Variants in NGEF observed in about 807,000 individuals in gnomAD.
NGEF encodes ephexin-1.
NGEF carries 31 observed loss-of-function variants against 80.9 expected under a neutral mutation model. The observed-to-expected ratio is 0.38, with a 90% CI of 0.29 to 0.52. The LOEUF is 0.52. Ranked by LOEUF, NGEF falls within the 20% of genes least tolerant of loss-of-function variation. The pLI, the probability that NGEF is intolerant of heterozygous loss-of-function variation, is 0.84. For synonymous variants in NGEF, 371 were observed against 370.2 expected (o/e 1.00, Z -0.03); for missense variants, 709 against 926.2 (o/e 0.77, Z 3.04).
At chr2:233,001,348 GT>G (rs2106343458) in intron 1 of NGEF, among the ~76,000 whole-genome samples, 1 of 152,366 alleles carries the variant, frequency 6.6e-6, no homozygotes, top group Admixed American at 6.5e-5. Flanking sequence ...CAAGTGTGCA[GT>G]GCTAGAAGCA....
intron 5 of NGEF, among the ~76,000 whole-genome samples, chr2:232,912,426 C>T (rs1692708618): frequency 6.6e-6 from 1 of 152,132 alleles, no homozygotes; most frequent in Non-Finnish European, 1.5e-5. Flanking sequence ...ATATTTCTTA[C>T]TGAGAATTTA....
Position 232,879,771 on chromosome 2 carries a change from C to A in NGEF, c.1943-92G>T, listed in dbSNP as rs1294472723. 7.2e-6 allele frequency: 9 copies of A among 1,254,422 alleles called. No homozygotes were observed. The Middle Eastern group carries it at 6.0e-4, about 84-fold the overall frequency. The allele number at this position is 1,254,422 out of a possible 1,614,324, so 77.7% of individuals were successfully genotyped here. ...TCCTGGCCAGGGCCCCCATCTGTGG[C>A]GGGACACTAGGGGTCCAGCTGGCCT... On this transcript the variant is annotated intron_variant, in intron 14 of 14. Coordinates refer to ENST00000264051, the MANE Select transcript of NGEF (RefSeq NM_019850.3).
Position 232,900,774 on chromosome 2 carries a change from A to AGT in NGEF, c.829-5859_829-5858insAC, listed in dbSNP as rs1559200381. ...CATTCACTCACACACACACGCTCTC[A>AGT]CACTCATGCACACATTCACTCACAC... On this transcript the variant is annotated intron_variant, in intron 5 of 14. Coordinates refer to ENST00000264051, the MANE Select transcript of NGEF (RefSeq NM_019850.3). 2.8e-5 allele frequency among the ~76,000 whole-genome samples: 4 copies of AGT among 142,252 alleles called. 1 individual carries two copies. Among genetic ancestry groups the AGT allele is most frequent in the South Asian group, 2.1e-4 (1 of 4,666 alleles). 93.3% of individuals were successfully genotyped at this position (142,252 alleles called of 152,430 possible).
At chr2:233,005,828 G>T (rs2001320) in intron 1 of NGEF, among the ~76,000 whole-genome samples, 1 of 151,866 alleles carries the variant, frequency 6.6e-6, no homozygotes, top group Non-Finnish European at 1.5e-5. Context: ...TTTTGTTTTG[G>T]TTTTTTGAGA....
At chr2:232,928,064 CG>C in intron 3 of NGEF, 1 of 1,148,570 alleles carries the variant, frequency 8.7e-7, no homozygotes, top group Non-Finnish European at 1.1e-6. Flanking sequence ...TGGGCTGGGT[CG>C]GGGGCGACTA....
intron 3 of NGEF, chr2:232,969,911 T>C (rs1694150367): frequency 1.1e-5 from 2 of 183,118 alleles, no homozygotes; most frequent in Non-Finnish European, 2.2e-5. Flanking sequence ...GTGCCTGTAA[T>C]CCCAGCTCTT....
At chr2:232,970,493 C>T (rs1694164150) in intron 2 of NGEF, among the ~76,000 whole-genome samples, 165 bp from the exon 3 acceptor site, 2 of 152,146 alleles carry the variant, frequency 1.3e-5, no homozygotes, top group Admixed American at 6.5e-5. Flanking sequence ...TTTGTCACAC[C>T]TCATGCTGTG....
intron 3 of NGEF, among the ~76,000 whole-genome samples, chr2:232,957,149 G>A (rs1010206746): frequency 2.0e-4 from 31 of 152,040 alleles, no homozygotes; most frequent in African/African-American, 7.2e-5. Context: ...GAATAAGTAC[G>A]ATAAGCTAGA....
chr2:233,005,149 C>T (rs1342302360), intron 1 of NGEF, among the ~76,000 whole-genome samples: 1 of 152,180 alleles, frequency 6.6e-6, no homozygotes, highest in Non-Finnish European at 1.5e-5. Context: ...TGGATCAGCA[C>T]CAACACATGG....
At chr2:232,991,822 A>G (rs1317850873) in intron 1 of NGEF, among the ~76,000 whole-genome samples, 1 of 152,236 alleles carries the variant, frequency 6.6e-6, no homozygotes. Context: ...TTCCTGATTT[A>G]AAAACCTACT....
intron 5 of NGEF, chr2:232,905,639 T>G (rs1158728018): frequency 3.0e-6 from 1 of 330,664 alleles, no homozygotes; most frequent in South Asian, 2.0e-5. Context: ...CCGGCCGCCA[T>G]CCCACCTGGG....
intron 1 of NGEF, among the ~76,000 whole-genome samples, chr2:233,000,963 G>A (rs990888602): frequency 2.6e-5 from 4 of 152,108 alleles, no homozygotes; most frequent in African/African-American, 7.2e-5. Flanking sequence ...TCGAAACGGC[G>A]CCGTGAACCA....
In NGEF at chr2:232,975,124, C is replaced by A. The variant is rs973059092; in HGVS notation, c.-74-160G>T. ...ACTGAAAATTACAGCTTAATCTCTG[C>A]AATTTGGAGGCATTCACGTATCATT... On this transcript the variant is annotated intron_variant, in intron 1 of 14. Transcript: ENST00000264051. 2.6e-5 allele frequency among the ~76,000 whole-genome samples: 4 copies of A among 152,312 alleles called. No homozygotes were observed. The South Asian group carries it at 8.3e-4, about 32-fold the overall frequency.
intron 3 of NGEF, among the ~76,000 whole-genome samples, chr2:232,951,122 A>G (rs953166273): frequency 1.3e-5 from 2 of 152,160 alleles, no homozygotes; most frequent in Admixed American, 6.5e-5. Flanking sequence ...AACCAGTGCC[A>G]CTGCCCCATT....
At chr2:232,989,614 C>G (rs1414989211) in intron 1 of NGEF, among the ~76,000 whole-genome samples, 2 of 152,100 alleles carry the variant, frequency 1.3e-5, no homozygotes. Flanking sequence ...GGACAACAAA[C>G]CTCCAAGACC....
rs1219365886 is a variant in NGEF, at chr2:232,894,779, C to T, written c.966G>A (p.Leu322=). The T allele has an allele frequency of 1.9e-6, 3 of 1,606,378 alleles. No individual in the cohort carries two copies. The highest frequency in any genetic ancestry group is 2.6e-6 in the Non-Finnish European group (3 of 1,174,692). The change falls in exon 6 of 15, where the codon CTG becomes CTA. Residue 322 remains leucine, a synonymous_variant. Coordinates refer to ENST00000264051, the MANE Select transcript of NGEF (RefSeq NM_019850.3). ...SEAHILFSNV[L]DVLAVSERFL... is the part of the protein sequence containing the mutation. Reference sequence around the variant, plus strand: ...ACCGCTCACTGACAGCCAGCACGTCCAGGACGTTGGAGAAGAGGATGTGCG... The same window carrying T: ...ACCGCTCACTGACAGCCAGCACGTCTAGGACGTTGGAGAAGAGGATGTGCG...
chr2:232,900,093 G>GAC (rs148874281), intron 5 of NGEF, among the ~76,000 whole-genome samples: 1 of 94,094 alleles, frequency 1.1e-5, no homozygotes, highest in African/African-American at 4.7e-5. Context: ...CATTCACTTA[G>GAC]ACACATGCTC....
At chr2:232,942,376 G>C (rs912480084) in intron 3 of NGEF, among the ~76,000 whole-genome samples, 1 of 152,192 alleles carries the variant, frequency 6.6e-6, no homozygotes, top group East Asian at 1.9e-4. Context: ...GGCTTTCTAC[G>C]TACTTGCTGA....
chr2:232,930,650 T>A (rs1693198646), intron 3 of NGEF, among the ~76,000 whole-genome samples: 1 of 151,268 alleles, frequency 6.6e-6, no homozygotes, highest in African/African-American at 2.5e-5. Flanking sequence ...CTCTCTGGGG[T>A]CTCTTTTATA....
Sources: allele counts gnomAD v4.1 joint callset (sites outside exome capture counted in the v4.1 genomes callset), GRCh38; gene constraint gnomAD v4.1.1; transcripts MANE v1.5; gene names NCBI Gene and HGNC (gene_info 2026-07-23, HGNC 2026-07-21).